The following C3orf52 variants were observed in gnomAD, a reference collection of about 807,000 sequenced individuals.
C3orf52 encodes chromosome 3 open reading frame 52.
In C3orf52, 22 loss-of-function variants were observed where a neutral mutation model predicts 24.8. The observed-to-expected ratio is 0.89, with a 90% CI of 0.63 to 1.27. C3orf52 has a LOEUF of 1.27. Among genes scored for constraint, C3orf52 ranks in the 50% most tolerant of loss-of-function variants. The pLI is 0.00. For synonymous variants in C3orf52, 93 were observed against 100.2 expected (o/e 0.93, Z 0.43); for missense variants, 265 against 260.7 (o/e 1.02, Z -0.11).
chr3:112,128,602 G>A (rs2074383443), exon 5 of C3orf52: 1 of 203,064 alleles, frequency 4.9e-6, no homozygotes, highest in South Asian at 8.8e-5. Context: ...ACAACATCTG[G>A]CACACAGTAA....
At position 112,116,560 on chromosome 3, in the gene C3orf52, CAATGA is replaced by C. The variant is rs140644894; in HGVS notation, c.650-69_650-65del. On this transcript the variant is annotated intron_variant, in intron 5 of 5. Transcript: ENST00000264848. ...TTATCTAAGATTTTACACTAAAATT[CAATGA>C]AATGAAATGAAAACGTAAGCATTTA... 8.1e-4 allele frequency: 1,033 copies of C among 1,267,804 alleles called. 7 individuals are homozygous for C. The African/African-American group carries it at 0.014, about 18-fold the overall frequency. 78.5% of individuals were successfully genotyped at this position (1,267,804 alleles called of 1,614,324 possible).
chr3:112,128,001 AC>A (rs775558507), intron 4 of C3orf52: 4 of 1,610,998 alleles, frequency 2.5e-6, no homozygotes, highest in Non-Finnish European at 3.4e-6. Flanking sequence ...ACTCCTAAAA[AC>A]AACTGTCCAC....
chr3:112,115,415 G>A (rs1331171085), intron 5 of C3orf52, among the ~76,000 whole-genome samples: 1 of 152,190 alleles, frequency 6.6e-6, no homozygotes, highest in East Asian at 1.9e-4. Flanking sequence ...GTTTCTACGT[G>A]CTCATGAGCT....
At chr3:112,116,165 G>A (rs1468736697) in intron 5 of C3orf52, among the ~76,000 whole-genome samples, 4 of 152,180 alleles carry the variant, frequency 2.6e-5, no homozygotes, top group Non-Finnish European at 5.9e-5. Context: ...TGGTGGCGAG[G>A]CTGGACTCCT....
chr3:112,136,150 T>C, the C3orf52 span, among the ~76,000 whole-genome samples: 3 of 152,192 alleles, frequency 2.0e-5, no homozygotes, highest in African/African-American at 7.2e-5. Context: ...GCAAATATAT[T>C]ACAAAAATAA....
intron 5 of C3orf52, among the ~76,000 whole-genome samples, chr3:112,115,176 A>C (rs944909098): frequency 4.6e-5 from 7 of 152,204 alleles, no homozygotes; most frequent in Admixed American, 4.6e-4. Flanking sequence ...AATGTGCAAT[A>C]TTTGAGCCAT....
chr3:112,101,236 T>C (rs560797357), intron 2 of C3orf52, among the ~76,000 whole-genome samples: 2 of 152,296 alleles, frequency 1.3e-5, no homozygotes, highest in South Asian at 4.1e-4. Context: ...AGCAAAAGGA[T>C]ACATTACATC....
chr3:112,126,064 A>G (rs1310526013), intron 4 of C3orf52, among the ~76,000 whole-genome samples: 1 of 152,178 alleles, frequency 6.6e-6, no homozygotes, highest in Admixed American at 6.5e-5. Context: ...ATAAGCTCCT[A>G]TAGGCATCTA....
intron 4 of C3orf52, 61 bp downstream of exon 4, chr3:112,109,674 C>T (rs2074059318): frequency 2.0e-6 from 2 of 1,023,452 alleles, no homozygotes; most frequent in Admixed American, 2.0e-5. Flanking sequence ...CCCCACCCCA[C>T]CCTTCGTCAT....
intron 2 of C3orf52, among the ~76,000 whole-genome samples, chr3:112,098,968 G>C (rs1468316572): frequency 6.6e-6 from 1 of 152,152 alleles, no homozygotes; most frequent in Non-Finnish European, 1.5e-5. Context: ...GGGGCCTGGT[G>C]GGAGGTGATT....
At chr3:112,102,605 AC>A (rs1325384662) in intron 2 of C3orf52, among the ~76,000 whole-genome samples, 2 of 151,976 alleles carry the variant, frequency 1.3e-5, no homozygotes, top group African/African-American at 2.4e-5. Flanking sequence ...GGAATCTGAG[AC>A]CCCTTTGCCA....
Position 112,105,566 on chromosome 3 carries a change from G to A in C3orf52, c.396+2601G>A, listed in dbSNP as rs1240650725. ...TGTGTGTGTGTGTGTGTGTGTGTGTGTGTGTTTTCCACACCAACCAATTAT... is the reference window on the plus strand; with the variant it reads ...TGTGTGTGTGTGTGTGTGTGTGTGTATGTGTTTTCCACACCAACCAATTAT... On this transcript the variant is annotated intron_variant, in intron 3 of 5. Transcript: ENST00000264848. Among the ~76,000 whole-genome samples, 5 of 149,362 alleles carry A rather than the reference G, an allele frequency of 3.3e-5. No homozygotes were observed. The South Asian group carries it at 8.5e-4, about 25-fold the overall frequency.
intron 4 of C3orf52, chr3:112,123,235 C>G (rs748600003): frequency 4.1e-5 from 33 of 809,818 alleles, no homozygotes; most frequent in Non-Finnish European, 6.0e-5. Flanking sequence ...AAGATGGTTA[C>G]CTCTTTCTCA....
chr3:112,110,301 C>T (rs997573594), intron 4 of C3orf52, among the ~76,000 whole-genome samples: 2 of 151,468 alleles, frequency 1.3e-5, no homozygotes, highest in African/African-American at 4.9e-5. Context: ...TGCACTCCAG[C>T]CTGAGTGACA....
At chr3:112,096,859 G>A (rs2073931079) in intron 2 of C3orf52, among the ~76,000 whole-genome samples, 1 of 152,198 alleles carries the variant, frequency 6.6e-6, no homozygotes, top group Admixed American at 6.5e-5. Flanking sequence ...GGTTGGGCTT[G>A]CCCACTACTC....
intron 4 of C3orf52, chr3:112,128,139 A>G: frequency 1.5e-6 from 2 of 1,369,558 alleles, no homozygotes; most frequent in Admixed American, 1.7e-5. Flanking sequence ...TCCTTTTGCC[A>G]TTTCTGTGGA....
In C3orf52 at chr3:112,116,669, C is replaced by A; in HGVS notation, c.*23C>A. On this transcript the variant is annotated 3_prime_UTR_variant, in exon 6 of 6. Transcript: ENST00000264848. The stretch of plus-strand genomic sequence containing the variant: ...TGAAGTGATGGAGGCTGGTCTCTGT[C>A]TGAAAGCAGTGCTCTACCAAGTCCT... The A allele has an allele frequency of 6.3e-7, 1 of 1,594,508 alleles. No homozygotes were observed. Among genetic ancestry groups the A allele is most frequent in the Non-Finnish European group, 8.6e-7 (1 of 1,169,522 alleles).
intron 4 of C3orf52, chr3:112,109,816 GC>G (rs753246786): frequency 4.0e-5 from 18 of 448,624 alleles, no homozygotes; most frequent in Non-Finnish European, 6.9e-5. Flanking sequence ...GAAAAAGGAA[GC>G]CCAGATTAAT....
In C3orf52 at chr3:112,102,983, A is replaced by G. The variant is rs1245369998; in HGVS notation, c.396+18A>G. On this transcript the variant is annotated intron_variant, in intron 3 of 5. Coordinates refer to ENST00000264848, the MANE Select transcript of C3orf52 (RefSeq NM_024616.3). ...CCGAAAGGGTAATTCCATCTTATAT[A>G]TTGCCTAAGGAGTTCTTGACATTAG... is the stretch of plus-strand genomic sequence containing the variant. The G allele has an allele frequency of 6.2e-7, 1 of 1,610,242 alleles. No homozygotes were observed. The highest frequency in any genetic ancestry group is 8.5e-7 in the Non-Finnish European group (1 of 1,177,984).
Sources: allele counts gnomAD v4.1 joint callset (sites outside exome capture counted in the v4.1 genomes callset), GRCh38; gene constraint gnomAD v4.1.1; transcripts MANE v1.5; gene names NCBI Gene and HGNC (gene_info 2026-07-23, HGNC 2026-07-21).